TMIGD3: variants seen among roughly 807,000 people sequenced by gnomAD.
The protein encoded by TMIGD3 is AD026 protein (AD026).
In TMIGD3, 21 loss-of-function variants were observed where a neutral mutation model predicts 28.1. The ratio of observed to expected loss-of-function variants is 0.75; its 90% CI spans 0.53 to 1.08. The LOEUF (loss-of-function observed/expected upper bound fraction) is 1.08. Among genes scored for constraint, TMIGD3 ranks in the 50% least tolerant of loss-of-function variants. The pLI, the probability that TMIGD3 is intolerant of heterozygous loss-of-function variation, is 0.00. For missense variants in TMIGD3, 416 were observed against 435.6 expected (o/e 0.96, Z 0.40); for synonymous variants, 151 against 162.1 (o/e 0.93, Z 0.52).
intron 1 of TMIGD3, among the ~76,000 whole-genome samples, chr1:111,545,535 A>G (rs779285414): frequency 1.3e-5 from 2 of 152,110 alleles, no homozygotes; most frequent in Non-Finnish European, 2.9e-5. Flanking sequence ...CTATTATCAG[A>G]TATATGATTT....
chr1:111,497,598 A>G (rs974175835), intron 1 of TMIGD3, among the ~76,000 whole-genome samples: 1 of 152,208 alleles, frequency 6.6e-6, no homozygotes, highest in Non-Finnish European at 1.5e-5. Flanking sequence ...GATAAAAAAC[A>G]CAACTCCCAG....
Position 111,486,595 on chromosome 1 carries a change from T to C in TMIGD3, c.863A>G (p.Asp288Gly), listed in dbSNP as rs762582313. 6.2e-7 allele frequency: 1 copy of C among 1,612,596 alleles called. No homozygotes were observed. The highest frequency in any genetic ancestry group is 8.5e-7 in the Non-Finnish European group (1 of 1,179,556). ...CAAGACTATGACTCACCTGGAGCGG[T>C]CAGCCTTGCGGACAACTTTGGGAGC... ...CKAPKVVRKADRSRTSILIIC... is the reference protein window; with the variant it reads ...CKAPKVVRKAGRSRTSILIIC... Residue 288 changes from aspartate (D) to glycine (G), a missense_variant, in exon 4 of 6, where the codon GAC becomes GGC. Physicochemically the swap from Asp to Gly is moderately conservative, Grantham distance 94. Transcript: ENST00000369716.
intron 1 of TMIGD3, among the ~76,000 whole-genome samples, chr1:111,541,696 A>AAG (rs960029102): frequency 3.3e-5 from 5 of 150,564 alleles, no homozygotes; most frequent in South Asian, 4.2e-4. Context: ...GAGAGAGAGA[A>AAG]AGAGAGAGAG....
chr1:111,519,371 C>A (rs1247248210), intron 1 of TMIGD3, among the ~76,000 whole-genome samples: 2 of 152,182 alleles, frequency 1.3e-5, no homozygotes, highest in African/African-American at 2.4e-5. Context: ...ATAATGGCAG[C>A]ACTTTGTGTT....
At chr1:111,493,164 G>A (rs1187800837) in intron 1 of TMIGD3, among the ~76,000 whole-genome samples, 1 of 152,108 alleles carries the variant, frequency 6.6e-6, no homozygotes, top group South Asian at 2.1e-4. Flanking sequence ...ATAAGGGGTC[G>A]TTCTTCTAGT....
At chr1:111,525,198 T>TAA (rs1411834577) in intron 1 of TMIGD3, among the ~76,000 whole-genome samples, 1 of 152,222 alleles carries the variant, frequency 6.6e-6, no homozygotes, top group African/African-American at 2.4e-5. Flanking sequence ...ATTGATGGTG[T>TAA]TATTCAGTCT....
At chr1:111,537,941 C>G (rs1029479110) in intron 1 of TMIGD3, among the ~76,000 whole-genome samples, 2 of 152,172 alleles carry the variant, frequency 1.3e-5, no homozygotes, top group Non-Finnish European at 1.5e-5. Context: ...TCCCTGTACC[C>G]TAACTACTAA....
At chr1:111,516,474 G>T (rs1655872085) in intron 1 of TMIGD3, among the ~76,000 whole-genome samples, 3 of 152,132 alleles carry the variant, frequency 2.0e-5, no homozygotes, top group Non-Finnish European at 4.4e-5. Flanking sequence ...GCCCCAGCCA[G>T]CATCTGTTTC....
intron 1 of TMIGD3, among the ~76,000 whole-genome samples, chr1:111,510,091 C>T (rs955349956): frequency 6.6e-6 from 1 of 152,202 alleles, no homozygotes; most frequent in African/African-American, 2.4e-5. Context: ...TAGGCTGGGC[C>T]AGATATTGAA....
chr1:111,516,913 T>C (rs1391524216), intron 1 of TMIGD3, among the ~76,000 whole-genome samples: 1 of 152,214 alleles, frequency 6.6e-6, no homozygotes. Context: ...CCTTCTGGCT[T>C]TTTCTAGGCA....
chr1:111,506,878 T>A (rs1283535046), upstream of TMIGD3, among the ~76,000 whole-genome samples: 1 of 145,992 alleles, frequency 6.8e-6, no homozygotes, highest in Non-Finnish European at 1.5e-5. Context: ...AAGGTACAAT[T>A]TTTTTCTTAA....
Position 111,485,767 on chromosome 1 carries a change from T to A in TMIGD3, c.946A>T (p.Arg316Trp), listed in dbSNP as rs747739651. ...IISVISHLTK[R>W]RRSQRNRRVG... ...CTTCTATTCCTTTGACTTCTCCTCCTTTTGGTCAAATGACTGATTACAGAG... is the reference window on the plus strand; with the variant it reads ...CTTCTATTCCTTTGACTTCTCCTCCATTTGGTCAAATGACTGATTACAGAG... Residue 316 changes from arginine (R) to tryptophan (W), a missense_variant, in exon 5 of 6, where the codon AGG becomes TGG. Physicochemically the swap from Arg to Trp is moderately radical, Grantham distance 101. Coordinates refer to ENST00000369716, the MANE Select transcript of TMIGD3 (RefSeq NM_020683.7). 163 of 1,469,064 alleles carry A rather than the reference T, an allele frequency of 1.1e-4. 2 individuals are homozygous for A. In the South Asian group the frequency reaches 1.8e-3, roughly 16 times the overall value. The allele number at this position is 1,469,064 out of a possible 1,614,324, so 91.0% of individuals were successfully genotyped here. A position where few individuals can be genotyped will look rare whatever the true frequency, so the allele number is the denominator to read the frequency against.
chr1:111,499,968 A>T (rs544398617), intron 1 of TMIGD3: 1 of 1,614,062 alleles, frequency 6.2e-7, no homozygotes, highest in East Asian at 2.2e-5. Context: ...AATTCTTCTC[A>T]ATGCTTGTGT....
upstream of TMIGD3, chr1:111,504,938 C>G (rs1655427722): frequency 5.1e-6 from 5 of 985,214 alleles, no homozygotes; most frequent in South Asian, 2.3e-4. Context: ...TCCTCTCCAA[C>G]TGAATTTCCA....
At chr1:111,516,667 A>G (rs1655879076) in intron 1 of TMIGD3, among the ~76,000 whole-genome samples, 1 of 152,156 alleles carries the variant, frequency 6.6e-6, no homozygotes, top group Non-Finnish European at 1.5e-5. Context: ...CCATTATTCC[A>G]GGCAGAAAGC....
chr1:111,494,740 CAAACTATGCTACAGGACTATAGT>C (rs1193748995), intron 1 of TMIGD3, among the ~76,000 whole-genome samples: 1 of 152,188 alleles, frequency 6.6e-6, no homozygotes, highest in African/African-American at 2.4e-5. Flanking sequence ...TACTCAACTT[CAAACTATGCTACAGGACTATAGT>C]AACCAAAACA....
At chr1:111,542,085 CTTTTT>C (rs35807618) in intron 1 of TMIGD3, 2 of 167,514 alleles carry the variant, frequency 1.2e-5, no homozygotes, top group Non-Finnish European at 1.3e-5. Context: ...TGCAAAGAAG[CTTTTT>C]TTTTTTTTTT....
intron 1 of TMIGD3, among the ~76,000 whole-genome samples, chr1:111,518,262 A>G (rs968611328): frequency 7.2e-5 from 11 of 152,380 alleles, no homozygotes; most frequent in African/African-American, 2.6e-4. Flanking sequence ...TGATCATTTG[A>G]CAATGGTAGT....
intron 1 of TMIGD3, among the ~76,000 whole-genome samples, chr1:111,534,542 T>G (rs1447664948): frequency 1.3e-5 from 2 of 152,188 alleles, no homozygotes; most frequent in African/African-American, 4.8e-5. Context: ...ATTGATCAAT[T>G]TTTATAAGTG....
Sources: gnomAD v4.1 joint callset for allele counts (sites outside exome capture counted in the v4.1 genomes callset) on GRCh38, gnomAD v4.1.1 for gene constraint, MANE v1.5 for transcripts, NCBI Gene and HGNC (gene_info 2026-07-23, HGNC 2026-07-21) for gene names.